The following NCAM1 variants were observed in gnomAD, a reference collection of about 807,000 sequenced individuals.
NCAM1 encodes the protein neural cell adhesion molecule 1, also known as antigen recognized by monoclonal antibody 5.1H11.
In NCAM1, 14 loss-of-function variants were observed where a neutral mutation model predicts 109.8. The observed-to-expected ratio is 0.13, with a 90% CI of 0.08 to 0.20. The LOEUF (loss-of-function observed/expected upper bound fraction) is 0.20, where lower values mean the gene tolerates loss of function less well. NCAM1 is among the 10% of genes least tolerant of loss of function. The probability of loss-of-function intolerance (pLI) is 1.00; values close to 1 mark genes in which losing one functional copy is unlikely to be tolerated. For synonymous variants in NCAM1, 418 were observed against 442.9 expected (o/e 0.94, Z 0.70); for missense variants, 774 against 1,109.9 (o/e 0.70, Z 4.30).
At chr11:113,033,390 T>C (rs1287510352) in intron 1 of NCAM1, among the ~76,000 whole-genome samples, 2 of 152,048 alleles carry the variant, frequency 1.3e-5, no homozygotes, top group African/African-American at 4.8e-5. Flanking sequence ...GAGTTGGGGG[T>C]GCCCAGCTTC....
chr11:113,089,545 C>T lies in NCAM1; in HGVS notation c.53-112834C>T, dbSNP rs570330056. On this transcript the variant is annotated intron_variant, in intron 1 of 19. Transcript: ENST00000316851. The stretch of plus-strand genomic sequence containing the variant: ...TCCTGGGCTCAAGGGATCCACCCAC[C>T]TCCACCTCCCAAGTAGCTGAAACTA... Among the ~76,000 whole-genome samples the T allele has an allele frequency of 5.9e-5, 9 of 152,218 alleles. No homozygotes were observed. In the South Asian group the frequency reaches 1.7e-3, roughly 28 times the overall value.
chr11:113,110,857 T>G (rs1398432654), intron 1 of NCAM1, among the ~76,000 whole-genome samples: 1 of 152,184 alleles, frequency 6.6e-6, no homozygotes, highest in East Asian at 1.9e-4. Flanking sequence ...TCCTTTCCTA[T>G]TGGGATACCT....
rs59982668 is a variant in NCAM1 at position 113,043,944 on chromosome 11, CTT to C, written c.52+82292_52+82293del. On this transcript the variant is annotated intron_variant, in intron 1 of 19. Transcript: ENST00000316851. The stretch of plus-strand genomic sequence containing the variant: ...TGCCTAGATGTTTTTGAGTAGTTTC[CTT>C]TTTTTTTTTTTCGATTACACAGCAG... 4.6e-3 allele frequency among the ~76,000 whole-genome samples: 658 copies of C among 142,152 alleles called. 9 individuals carry two copies. The highest frequency in any genetic ancestry group is 0.016 in the African/African-American group (630 of 39,108). The allele number at this position is 142,152 out of a possible 152,430, so 93.3% of individuals were successfully genotyped here. A position where few individuals can be genotyped will look rare whatever the true frequency, so the allele number is the denominator to read the frequency against.
chr11:113,067,906 G>GTTT lies in NCAM1; in HGVS notation c.52+106262_52+106264dup, dbSNP rs782134624. 1.4e-3 allele frequency among the ~76,000 whole-genome samples: 174 copies of GTTT among 125,420 alleles called. 3 individuals are homozygous for GTTT. The highest frequency in any genetic ancestry group is 3.8e-3 in the East Asian group (16 of 4,212). 82.3% of individuals were successfully genotyped at this position (125,420 alleles called of 152,430 possible). A position where few individuals can be genotyped will look rare whatever the true frequency, so the allele number is the denominator to read the frequency against. On this transcript the variant is annotated intron_variant, in intron 1 of 19. Coordinates refer to ENST00000316851, the MANE Select transcript of NCAM1 (RefSeq NM_181351.5). ...TCCAAGTATGGCATTCATATAACAA[G>GTTT]TTTTTTTTTTTTTTTTTTTTTTGAG...
intron 15 of NCAM1, among the ~76,000 whole-genome samples, chr11:113,255,309 T>C (rs1453302781): frequency 6.6e-6 from 1 of 152,170 alleles, no homozygotes; most frequent in Admixed American, 6.5e-5. Context: ...TTCTTATTTT[T>C]TAAACGAATC....
chr11:113,194,908 A>C (rs1388156558), intron 1 of NCAM1, among the ~76,000 whole-genome samples: 2 of 152,228 alleles, frequency 1.3e-5, no homozygotes, highest in African/African-American at 4.8e-5. Flanking sequence ...GTTTAGGTTT[A>C]AATAGGAATG....
At chr11:113,139,736 A>G (rs1941744065) in intron 1 of NCAM1, among the ~76,000 whole-genome samples, 1 of 152,128 alleles carries the variant, frequency 6.6e-6, no homozygotes, top group Admixed American at 6.6e-5. Flanking sequence ...GGCTTCAAAA[A>G]TCTTTCTGTA....
intron 8 of NCAM1, among the ~76,000 whole-genome samples, chr11:113,219,945 A>G (rs1186757610): frequency 2.6e-5 from 4 of 152,160 alleles, no homozygotes; most frequent in Non-Finnish European, 4.4e-5. Context: ...CGATATTTCC[A>G]TCTCATTTCT....
intron 1 of NCAM1, among the ~76,000 whole-genome samples, chr11:113,105,787 A>C (rs1415962509): frequency 6.6e-6 from 1 of 152,192 alleles, no homozygotes; most frequent in Admixed American, 6.5e-5. Flanking sequence ...GTGGCTGCTA[A>C]GAGGTGTGTT....
rs1453914147 is a variant in NCAM1, at chr11:113,213,456, C to T, written c.917-913C>T. On this transcript the variant is annotated intron_variant, in intron 7 of 19. Coordinates refer to ENST00000316851, the MANE Select transcript of NCAM1 (RefSeq NM_181351.5). ...ACCCAAAACATTTGGAAAATGAACT[C>T]ATCTCAACTCATCTCCTTCCCATCC... 2.6e-5 allele frequency among the ~76,000 whole-genome samples: 4 copies of T among 152,224 alleles called. No individual in the cohort carries two copies. The East Asian group carries it at 5.8e-4, about 22-fold the overall frequency.
chr11:113,220,254 C>A (rs1944646093), intron 8 of NCAM1, among the ~76,000 whole-genome samples: 1 of 152,134 alleles, frequency 6.6e-6, no homozygotes, highest in South Asian at 2.1e-4. Flanking sequence ...GGTTGGCTTG[C>A]AAATGCCAAC....
chr11:113,118,256 G>A (rs782636329), intron 1 of NCAM1, among the ~76,000 whole-genome samples: 6 of 151,702 alleles, frequency 4.0e-5, no homozygotes, highest in Non-Finnish European at 8.8e-5. Context: ...ATAAGCATTT[G>A]TTCTTCAGCT....
At chr11:113,129,190 T>A (rs1941299199) in intron 1 of NCAM1, among the ~76,000 whole-genome samples, 1 of 152,006 alleles carries the variant, frequency 6.6e-6, no homozygotes, top group Admixed American at 6.6e-5. Flanking sequence ...CAAGTCTCCT[T>A]TGAATTTCAC....
chr11:113,014,958 C>CCAGCCACCGTCTGCTTGGGTGTG (rs1208403588), intron 1 of NCAM1, among the ~76,000 whole-genome samples: 2 of 152,142 alleles, frequency 1.3e-5, no homozygotes, highest in Non-Finnish European at 2.9e-5. Context: ...TGGATGTGGC[C>CCAGCCACCGTCTGCTTGGGTGTG]CAGCCACCGT....
intron 1 of NCAM1, among the ~76,000 whole-genome samples, chr11:113,112,030 T>C (rs1555093818): frequency 6.6e-6 from 1 of 152,190 alleles, no homozygotes; most frequent in East Asian, 1.9e-4. Context: ...TGAAAAATAA[T>C]GAAGGTGGTC....
intron 14 of NCAM1, among the ~76,000 whole-genome samples, chr11:113,238,216 G>T (rs1450367833): frequency 1.3e-5 from 2 of 152,124 alleles, no homozygotes; most frequent in African/African-American, 4.8e-5. Flanking sequence ...AACAGGCATT[G>T]TTAGTGGTAC....
chr11:113,263,094 T>C (rs944258956), intron 17 of NCAM1: 25 of 1,357,458 alleles, frequency 1.8e-5, no homozygotes, highest in Non-Finnish European at 2.2e-5. Context: ...TCCAGACATG[T>C]CACCACTCAC....
chr11:113,030,875 T>A (rs1952691539), intron 1 of NCAM1, among the ~76,000 whole-genome samples: 1 of 152,196 alleles, frequency 6.6e-6, no homozygotes, highest in Non-Finnish European at 1.5e-5. Flanking sequence ...CACCTAGATA[T>A]TTCAAGGAAG....
intron 17 of NCAM1, among the ~76,000 whole-genome samples, chr11:113,267,932 A>T (rs1946170518): frequency 6.6e-6 from 1 of 152,214 alleles, no homozygotes; most frequent in Non-Finnish European, 1.5e-5. Context: ...ACCTCAGAAG[A>T]TATAATTAGT....
Sources: gnomAD v4.1 joint callset for allele counts (sites outside exome capture counted in the v4.1 genomes callset) on GRCh38, gnomAD v4.1.1 for gene constraint, MANE v1.5 for transcripts, NCBI Gene and HGNC (gene_info 2026-07-23, HGNC 2026-07-21) for gene names.